MAGI1: variants seen among roughly 807,000 people sequenced by gnomAD.
MAGI1 encodes membrane associated guanylate kinase, WW and PDZ domain containing 1, also known as membrane-associated guanylate kinase, WW and PDZ domain-containing protein 1.
Under a neutral mutation model 139.9 loss-of-function variants are expected in MAGI1, and 58 were observed. That is an observed-to-expected ratio of 0.41 (90% CI 0.34 to 0.52). MAGI1 has a LOEUF of 0.52. Ranked by LOEUF, MAGI1 falls within the 20% of genes least tolerant of loss-of-function variation. The pLI is 0.12. For synonymous variants in MAGI1, 812 were observed against 737.9 expected (o/e 1.10, Z -1.63); for missense variants, 1,874 against 1,901.6 (o/e 0.99, Z 0.27).
intron 1 of MAGI1, among the ~76,000 whole-genome samples, chr3:65,937,152 C>T (rs1277497166): frequency 2.0e-5 from 3 of 152,162 alleles, no homozygotes; most frequent in Non-Finnish European, 4.4e-5. Context: ...TAGCAATAGA[C>T]AAGGAGGCCT....
chr3:65,822,466 C>T (rs1189086866), intron 1 of MAGI1, among the ~76,000 whole-genome samples: 4 of 151,948 alleles, frequency 2.6e-5, no homozygotes, highest in South Asian at 2.1e-4. Flanking sequence ...AGGCGGAGGT[C>T]GCAGTGAGTT....
At chr3:65,949,563 T>G (rs1430654199) in intron 1 of MAGI1, among the ~76,000 whole-genome samples, 1 of 152,200 alleles carries the variant, frequency 6.6e-6, no homozygotes, top group Non-Finnish European at 1.5e-5. Context: ...ATGTCCAGCA[T>G]TCAGCTGAAG....
intron 1 of MAGI1, among the ~76,000 whole-genome samples, chr3:65,868,860 C>T (rs1398989559): frequency 6.6e-6 from 1 of 152,132 alleles, no homozygotes; most frequent in East Asian, 1.9e-4. Flanking sequence ...TCGACAAAGT[C>T]CACCCTGATC....
chr3:65,372,744 C>A (rs1300727024), intron 18 of MAGI1, among the ~76,000 whole-genome samples: 1 of 152,188 alleles, frequency 6.6e-6, no homozygotes, highest in Non-Finnish European at 1.5e-5. Flanking sequence ...TTTATATTTG[C>A]ACTTGCTGCT....
intron 1 of MAGI1, among the ~76,000 whole-genome samples, chr3:65,773,716 C>T (rs2038144027): frequency 6.6e-6 from 1 of 152,170 alleles, no homozygotes; most frequent in Non-Finnish European, 1.5e-5. Context: ...TTCTGGAGAA[C>T]ATGGTGAATT....
chr3:66,028,756 G>T (rs1264922667), intron 1 of MAGI1, among the ~76,000 whole-genome samples: 1 of 152,096 alleles, frequency 6.6e-6, no homozygotes, highest in South Asian at 2.1e-4. Flanking sequence ...CCTCCGTGAG[G>T]TCCGGAGGCT....
At chr3:65,954,373 AAAGAAAGCC>A (rs2064011090) in intron 1 of MAGI1, 1 of 152,546 alleles carries the variant, frequency 6.6e-6, no homozygotes, top group Non-Finnish European at 1.5e-5. Context: ...GGTTGCTCTG[AAAGAAAGCC>A]AGCCCCGGCA....
chr3:65,647,346 G>A (rs2085323416), intron 1 of MAGI1, among the ~76,000 whole-genome samples: 1 of 152,058 alleles, frequency 6.6e-6, no homozygotes, highest in Non-Finnish European at 1.5e-5. Context: ...AAGCTGTTAG[G>A]CAAATTGAAG....
chr3:65,855,108 C>T (rs750870341), intron 1 of MAGI1, among the ~76,000 whole-genome samples: 8 of 152,060 alleles, frequency 5.3e-5, no homozygotes, highest in Non-Finnish European at 1.0e-4. Flanking sequence ...TGCCCAAATC[C>T]GTGGGGGGCG....
chr3:65,429,898 T>C lies in MAGI1; in HGVS notation c.1789A>G (p.Ser597Gly). Reference sequence around the variant, plus strand: ...ATGCCATTGACTTTGCCTGTTTTACTACTGTGGCTAGCTGGTGAATCATAG... The same window carrying C: ...ATGCCATTGACTTTGCCTGTTTTACCACTGTGGCTAGCTGGTGAATCATAG... ...ETYDSPASHS[S>G]KTGKVNGMKD... is the part of the protein sequence containing the mutation. Residue 597 changes from serine to glycine, a missense_variant, in exon 12 of 23, where the codon AGT becomes GGT. By Grantham distance (56) the Ser-to-Gly change is moderately conservative (BLOSUM62 0). Coordinates refer to ENST00000402939, the MANE Select transcript of MAGI1 (RefSeq NM_001033057.2). 6.2e-7 allele frequency: 1 copy of C among 1,614,088 alleles called. No homozygotes were observed. Among genetic ancestry groups the C allele is most frequent in the East Asian group, 2.2e-5 (1 of 44,868 alleles).
intron 1 of MAGI1, among the ~76,000 whole-genome samples, chr3:65,891,885 A>ATATATAT (rs2060768964): frequency 2.7e-5 from 1 of 37,538 alleles, no homozygotes; most frequent in African/African-American, 7.4e-5. Context: ...CTTAAAGTAT[A>ATATATAT]ATATATATAT....
intron 1 of MAGI1, among the ~76,000 whole-genome samples, chr3:65,869,535 G>C (rs557762082): frequency 3.6e-4 from 55 of 151,358 alleles, no homozygotes; most frequent in African/African-American, 1.3e-3. Context: ...CGAGTAGCTG[G>C]GACTACAGGC....
At chr3:65,611,196 T>TA (rs1454947503) in intron 2 of MAGI1, among the ~76,000 whole-genome samples, 1 of 141,908 alleles carries the variant, frequency 7.0e-6, no homozygotes, top group Non-Finnish European at 1.5e-5. Flanking sequence ...ATGGTATATA[T>TA]GTGTGTATAC....
At chr3:65,726,667 C>A (rs576533169) in intron 1 of MAGI1, among the ~76,000 whole-genome samples, 111 of 152,106 alleles carry the variant, frequency 7.3e-4, no homozygotes, top group African/African-American at 2.5e-3. Context: ...TCTAGGACAC[C>A]ATCCACAAGT....
At chr3:65,646,796 T>G (rs555000878) in intron 1 of MAGI1, among the ~76,000 whole-genome samples, 4 of 151,870 alleles carry the variant, frequency 2.6e-5, no homozygotes, top group Non-Finnish European at 5.9e-5. Flanking sequence ...AAAACAAAAC[T>G]CATGGATCAA....
At chr3:65,873,926 C>T (rs1372810472) in intron 1 of MAGI1, 1 of 151,872 alleles carries the variant, frequency 6.6e-6, no homozygotes, top group Non-Finnish European at 1.5e-5. Context: ...TAAATATAAA[C>T]CAAAACCACA....
At chr3:65,999,850 T>C (rs962543933) in intron 1 of MAGI1, among the ~76,000 whole-genome samples, 1 of 151,686 alleles carries the variant, frequency 6.6e-6, no homozygotes, top group Non-Finnish European at 1.5e-5. Context: ...AGAGAGCCAC[T>C]GTAACCACAC....
intron 1 of MAGI1, among the ~76,000 whole-genome samples, chr3:65,647,564 G>A (rs1330795231): frequency 6.6e-6 from 1 of 152,096 alleles, no homozygotes; most frequent in Non-Finnish European, 1.5e-5. Flanking sequence ...ATGACCAAGT[G>A]GGGTGATTAT....
At chr3:65,798,087 C>T (rs1051513193) in intron 1 of MAGI1, among the ~76,000 whole-genome samples, 7 of 152,066 alleles carry the variant, frequency 4.6e-5, no homozygotes, top group Non-Finnish European at 7.4e-5. Context: ...AGGCAGATCA[C>T]GAGGTCAAGA....
Sources: allele counts gnomAD v4.1 joint callset (sites outside exome capture counted in the v4.1 genomes callset), GRCh38; gene constraint gnomAD v4.1.1; transcripts MANE v1.5; gene names NCBI Gene and HGNC (gene_info 2026-07-23, HGNC 2026-07-21).